KIT: variants seen among roughly 807,000 people sequenced by gnomAD.
The protein encoded by KIT is KIT proto-oncogene, receptor tyrosine kinase, also known as mast/stem cell growth factor receptor Kit.
KIT carries 16 observed loss-of-function variants against 105.7 expected under a neutral mutation model. The observed-to-expected ratio is 0.15, with a 90% CI of 0.10 to 0.23. The LOEUF (loss-of-function observed/expected upper bound fraction) is 0.23, where lower values mean the gene tolerates loss of function less well. Among genes scored for constraint, KIT ranks in the 10% least tolerant of loss-of-function variants. The pLI, the probability that KIT is intolerant of heterozygous loss-of-function variation, is 1.00. For synonymous variants in KIT, 438 were observed against 441.1 expected, an observed-to-expected ratio of 0.99 and a Z score of 0.09; for missense variants, 858 against 1,213.8, an observed-to-expected ratio of 0.71 and a Z score of 4.36.
At chr4:54,716,648 C>CT (rs1279247146) in intron 7 of KIT, among the ~76,000 whole-genome samples, 1 of 152,048 alleles carries the variant, frequency 6.6e-6, no homozygotes, top group Non-Finnish European at 1.5e-5. Flanking sequence ...TTTATAATTT[C>CT]TCTAGCCCAT....
At chr4:54,699,602 T>G (rs746195603) in intron 3 of KIT, 28 bp from the exon 4 acceptor site, 62 of 1,613,270 alleles carry the variant, frequency 3.8e-5, no homozygotes, top group Non-Finnish European at 5.0e-5. Context: ...ACAAATTATT[T>G]GAGGGGCCAC....
At chr4:54,663,350 C>T (rs901611896) in intron 1 of KIT, among the ~76,000 whole-genome samples, 2 of 152,128 alleles carry the variant, frequency 1.3e-5, no homozygotes, top group African/African-American at 4.8e-5. Context: ...GAGATGATGA[C>T]ATAGGGCCCC....
chr4:54,731,216 A>G (rs1722570177), intron 14 of KIT, 112 bp from the exon 15 acceptor site: 1 of 778,664 alleles, frequency 1.3e-6, no homozygotes, highest in African/African-American at 1.7e-5. Flanking sequence ...ACTTTCCTCA[A>G]ATTGGTCCAG....
chr4:54,731,174 G>T (rs922421770), intron 14 of KIT, among the ~76,000 whole-genome samples, 154 bp from the exon 15 acceptor site: 8 of 152,112 alleles, frequency 5.3e-5, no homozygotes, highest in Non-Finnish European at 1.5e-5. Context: ...TACAGAACAG[G>T]ATTTTCAAAC....
At chr4:54,681,292 G>A (rs1437273054) in intron 1 of KIT, among the ~76,000 whole-genome samples, 23 of 151,626 alleles carry the variant, frequency 1.5e-4, no homozygotes, top group Admixed American at 1.5e-3. Flanking sequence ...TGGGGGGTGC[G>A]GGGAAACGGG....
chr4:54,699,582 A>G (rs1238645825), intron 3 of KIT, 48 bp from the exon 4 acceptor site: 3 of 1,607,574 alleles, frequency 1.9e-6, no homozygotes, highest in Non-Finnish European at 2.6e-6. Flanking sequence ...TCAAAATTTC[A>G]TGCTATAATA....
chr4:54,683,431 G>A (rs1719089787), intron 1 of KIT, among the ~76,000 whole-genome samples: 2 of 152,160 alleles, frequency 1.3e-5, no homozygotes, highest in African/African-American at 4.8e-5. Flanking sequence ...GAGCCCAGGA[G>A]TTCGAGATCT....
intron 15 of KIT, 24 bp from the exon 16 acceptor site, chr4:54,731,847 A>G (rs771610527): frequency 9.9e-6 from 16 of 1,612,800 alleles, no homozygotes; most frequent in Non-Finnish European, 1.4e-5. Flanking sequence ...GTAATTGCTA[A>G]GAAAAATCCT....
At chr4:54,669,261 G>A (rs1293240422) in intron 1 of KIT, among the ~76,000 whole-genome samples, 1 of 151,804 alleles carries the variant, frequency 6.6e-6, no homozygotes, top group African/African-American at 2.4e-5. Context: ...AGAAGGGTTT[G>A]TGAGTTTTTT....
chr4:54,724,444 T>C (rs1368928349), intron 8 of KIT, among the ~76,000 whole-genome samples: 1 of 152,198 alleles, frequency 6.6e-6, no homozygotes, highest in Non-Finnish European at 1.5e-5. Flanking sequence ...GGATTGCTGT[T>C]TTCAGCTGGG....
chr4:54,728,192 G>T, intron 13 of KIT, 71 bp downstream of exon 13: 1 of 1,133,164 alleles, frequency 8.8e-7, no homozygotes, highest in South Asian at 1.3e-5. Context: ...ATATGATTTT[G>T]GCAATGCTAG....
At chr4:54,686,384 G>A (rs1235259635) in intron 1 of KIT, among the ~76,000 whole-genome samples, 1 of 152,158 alleles carries the variant, frequency 6.6e-6, no homozygotes, top group Non-Finnish European at 1.5e-5. Flanking sequence ...GACCTGGCAT[G>A]CAGATAGAAC....
At chr4:54,663,295 G>A (rs962270444) in intron 1 of KIT, among the ~76,000 whole-genome samples, 15 of 152,170 alleles carry the variant, frequency 9.9e-5, no homozygotes, top group Admixed American at 2.6e-4. Flanking sequence ...TCTGGGACAA[G>A]ACACTTAACC....
chr4:54,696,722 A>G (rs779379440), intron 2 of KIT, among the ~76,000 whole-genome samples: 2 of 152,252 alleles, frequency 1.3e-5, no homozygotes, highest in Non-Finnish European at 2.9e-5. Context: ...AAATTCTAAC[A>G]TGCTCCATCA....
intron 2 of KIT, 91 bp from the exon 3 acceptor site, chr4:54,698,193 C>A: frequency 1.5e-6 from 2 of 1,341,894 alleles, no homozygotes; most frequent in South Asian, 1.3e-5. Flanking sequence ...GGCCACTAGT[C>A]ATGAAAGGCA....
intron 20 of KIT, among the ~76,000 whole-genome samples, chr4:54,737,674 G>A (rs1723005464): frequency 6.6e-6 from 1 of 152,160 alleles, no homozygotes; most frequent in African/African-American, 2.4e-5. Context: ...GCATAGAAAA[G>A]ACAGCTTGTT....
At chr4:54,707,867 C>T (rs1187602457) in intron 6 of KIT, among the ~76,000 whole-genome samples, 7 of 150,624 alleles carry the variant, frequency 4.6e-5, no homozygotes, top group African/African-American at 1.4e-4. Flanking sequence ...AGTAGACATT[C>T]TTATTTCCCA....
chr4:54,672,657 A>G (rs941501810), intron 1 of KIT, among the ~76,000 whole-genome samples: 2 of 151,940 alleles, frequency 1.3e-5, no homozygotes, highest in Admixed American at 1.3e-4. Flanking sequence ...CCTATTCCCC[A>G]TTTTTCTGAT....
chr4:54,705,512 T>C (rs1720729153), intron 5 of KIT, among the ~76,000 whole-genome samples: 1 of 152,218 alleles, frequency 6.6e-6, no homozygotes, highest in East Asian at 1.9e-4. Flanking sequence ...AATATTACTA[T>C]AGTGAAGCAA....
Sources: allele counts gnomAD v4.1 joint callset (sites outside exome capture counted in the v4.1 genomes callset), GRCh38; gene constraint gnomAD v4.1.1; transcripts MANE v1.5; gene names NCBI Gene and HGNC (gene_info 2026-07-23, HGNC 2026-07-21).